The following TRPV2 variants were observed in gnomAD, a reference collection of about 807,000 sequenced individuals.
The protein encoded by TRPV2 is OTRPC2.
A neutral mutation model predicts 91.0 loss-of-function variants in TRPV2; 58 were observed. The ratio of observed to expected loss-of-function variants is 0.64; its 90% confidence interval spans 0.52 to 0.79. The LOEUF is 0.79. Ranked by LOEUF, TRPV2 falls within the 30% of genes least tolerant of loss-of-function variation. TRPV2 has a pLI of 0.00. For missense variants in TRPV2, 807 were observed against 969.6 expected (o/e 0.83, Z 2.23); for synonymous variants, 417 against 414.8 (o/e 1.01, Z -0.06).
intron 5 of TRPV2, among the ~76,000 whole-genome samples, chr17:16,424,163 T>G (rs959497971): frequency 6.7e-5 from 4 of 59,840 alleles, no homozygotes; most frequent in African/African-American, 2.2e-4. Context: ...CTAATTTTGT[T>G]TTTTTTTTTT....
At chr17:16,419,022 C>T (rs1172694355) in intron 2 of TRPV2, among the ~76,000 whole-genome samples, 1 of 150,748 alleles carries the variant, frequency 6.6e-6, no homozygotes, top group East Asian at 1.9e-4. Flanking sequence ...CAGTGTGACT[C>T]TGTCTCCAAA....
intron 2 of TRPV2, chr17:16,419,187 G>A (rs2093344940): frequency 2.6e-6 from 1 of 383,086 alleles, no homozygotes; most frequent in African/African-American, 2.1e-5. Flanking sequence ...GCTGGTGGTG[G>A]TACCAGAAGC....
Position 16,426,163 on chromosome 17 carries a change from A to C in TRPV2, c.989A>C (p.Glu330Ala). The change falls in exon 6 of 15, where the codon GAG becomes GCG. Residue 330 changes from glutamate to alanine, a missense_variant. Physicochemically the swap from Glu to Ala is moderately radical, Grantham distance 107. Transcript: ENST00000338560. This position sits in a 1 kb window ranked among gnomAD's most constrained non-coding sequence, Gnocchi z 6.0. ...AGCCACCTTTCCCGAAAGTTCACCG[A>C]GTGGTGCTATGGGCCTGTCCGGGTG... is the stretch of plus-strand genomic sequence containing the variant. ...GLSHLSRKFT[E>A]WCYGPVRVSL... 1 of 1,614,010 alleles carries C rather than the reference A, an allele frequency of 6.2e-7. No individual in the cohort carries two copies. Among genetic ancestry groups the C allele is most frequent in the Non-Finnish European group, 8.5e-7 (1 of 1,179,994 alleles).
At chr17:16,431,283 ATATACATATTTTTT>A (rs2093410193) in intron 10 of TRPV2, among the ~76,000 whole-genome samples, 5 of 51,284 alleles carry the variant, frequency 9.7e-5, no homozygotes, top group Admixed American at 2.4e-4. Context: ...ATATATATAT[ATATACATATTTTTT>A]TTTTTTTTTT....
chr17:16,425,239 G>A (rs977359304), intron 5 of TRPV2, among the ~76,000 whole-genome samples: 1 of 151,934 alleles, frequency 6.6e-6, no homozygotes, highest in Non-Finnish European at 1.5e-5. Flanking sequence ...GGTCAGGCTG[G>A]TCTCAAACTC....
chr17:16,427,748 T>C (rs2093390539), intron 8 of TRPV2, among the ~76,000 whole-genome samples: 1 of 152,174 alleles, frequency 6.6e-6, no homozygotes, highest in African/African-American at 2.4e-5. Context: ...TTGGGGTTCC[T>C]TGGGGTAGCA....
Position 16,434,623 on chromosome 17 carries a change from C to T in TRPV2, c.2115-267C>T, listed in dbSNP as rs1182439295. On this transcript the variant is annotated intron_variant, in intron 13 of 14. Transcript: ENST00000338560. The stretch of plus-strand genomic sequence containing the variant: ...GATACACCTGATCTGAATTCCTCTT[C>T]TCTGGTTGTTCTGGGCAACCCAGGC... 3.0e-5 allele frequency: 13 copies of T among 438,894 alleles called. No individual in the cohort carries two copies. The South Asian group carries it at 4.2e-4, about 14-fold the overall frequency. The allele number at this position is 438,894 out of a possible 1,614,324, so 27.2% of individuals were successfully genotyped here.
Position 16,426,221 on chromosome 17 carries a change from TGAG to T in TRPV2, c.1051_1053del (p.Glu351del). On this transcript the variant is annotated inframe_deletion, in exon 6 of 15. Transcript: ENST00000338560. The surrounding 1 kb of genome is among the most constrained non-coding windows in gnomAD (Gnocchi z 6.0). ...ATGACCTGGCTTCTGTGGACAGCTG[TGAG>T]GAGAACTCAGTGCTGGAGATCATTG... is the stretch of plus-strand genomic sequence containing the variant. 6.2e-7 allele frequency: 1 copy of T among 1,614,112 alleles called. No individual in the cohort carries two copies. The highest frequency in any genetic ancestry group is 1.7e-5 in the Admixed American group (1 of 60,020).
At chr17:16,433,217 G>A (rs897441324) in intron 12 of TRPV2, 6 of 215,646 alleles carry the variant, frequency 2.8e-5, no homozygotes, top group African/African-American at 1.2e-4. Context: ...CCTCTGGGCA[G>A]GCACATGTGT....
intron 10 of TRPV2, among the ~76,000 whole-genome samples, chr17:16,431,283 AT>A (rs2093410028): frequency 3.9e-5 from 2 of 51,282 alleles, no homozygotes; most frequent in Non-Finnish European, 8.0e-5. Context: ...ATATATATAT[AT>A]ATACATATTT....
At chr17:16,428,272 C>A in intron 8 of TRPV2, 45 bp from the exon 9 acceptor site, 1 of 1,589,764 alleles carries the variant, frequency 6.3e-7, no homozygotes, top group Non-Finnish European at 8.6e-7. Context: ...AGGGGGCATG[C>A]GGGAGAGCAG....
rs779890704 is a variant in TRPV2 at position 16,426,687 on chromosome 17, T to G, written c.1096-35T>G. 2 of 1,598,064 alleles carry G rather than the reference T, an allele frequency of 1.3e-6. No individual in the cohort carries two copies. The highest frequency in any genetic ancestry group is 2.3e-5 in the South Asian group (2 of 88,064). ...GAGTGGGCAGCCTATTTGCACTTGT[T>G]GAGTGTACCCATGGCTCTCCCCTCC... is the stretch of plus-strand genomic sequence containing the variant. On this transcript the variant is annotated intron_variant, in intron 6 of 14. Transcript: ENST00000338560. This position sits in a 1 kb window ranked among gnomAD's most constrained non-coding sequence, Gnocchi z 6.0.
intron 2 of TRPV2, among the ~76,000 whole-genome samples, chr17:16,419,718 A>G (rs971654927): frequency 6.6e-6 from 1 of 151,820 alleles, no homozygotes; most frequent in Non-Finnish European, 1.5e-5. Context: ...GTCTGCGGGG[A>G]CCTCCCACAG....
rs943803767 is a variant in TRPV2, at chr17:16,423,635, A to G, written c.792A>G (p.Ala264=). The change falls in exon 5 of 15, where the codon GCA becomes GCG. Residue 264 remains alanine (A), a synonymous_variant. Transcript: ENST00000338560. ...MISDNSAENI[A]LVTSMYDGLL... is the part of the protein sequence containing the mutation. ...CGGACAACTCAGCTGAGAACATTGCACTGGTGACCAGCATGTATGATGGGC... is the reference window on the plus strand; with the variant it reads ...CGGACAACTCAGCTGAGAACATTGCGCTGGTGACCAGCATGTATGATGGGC... 1.1e-5 allele frequency: 18 copies of G among 1,614,004 alleles called. No individual in the cohort carries two copies. The highest frequency in any genetic ancestry group is 5.3e-5 in the African/African-American group (4 of 74,896).
At chr17:16,419,134 A>C (rs1235099519) in intron 2 of TRPV2, among the ~76,000 whole-genome samples, 1 of 152,028 alleles carries the variant, frequency 6.6e-6, no homozygotes, top group Non-Finnish European at 1.5e-5. Flanking sequence ...GAGGGTCTAC[A>C]AATCATCAAA....
At chr17:16,427,126 G>A (rs138979863) in intron 7 of TRPV2, among the ~76,000 whole-genome samples, 7 of 152,292 alleles carry the variant, frequency 4.6e-5, no homozygotes, top group South Asian at 2.1e-4. Flanking sequence ...CCCTTGAGAT[G>A]GTGAATTATA....
chr17:16,436,682 T>G, intron 14 of TRPV2, 107 bp from the exon 15 acceptor site: 1 of 772,864 alleles, frequency 1.3e-6, no homozygotes, highest in African/African-American at 1.7e-5. Flanking sequence ...GCTGAGGCTG[T>G]CCCCACGGCA....
chr17:16,428,708 G>A, intron 9 of TRPV2, 109 bp from the exon 10 acceptor site: 4 of 1,292,774 alleles, frequency 3.1e-6, no homozygotes, highest in Non-Finnish European at 4.4e-6. Flanking sequence ...GCCCACAGAG[G>A]TTAAATGTCT....
chr17:16,436,092 TC>T (rs1406614103), intron 14 of TRPV2, among the ~76,000 whole-genome samples: 1 of 151,814 alleles, frequency 6.6e-6, no homozygotes, highest in Non-Finnish European at 1.5e-5. Context: ...CTCAGCCTAT[TC>T]CCCCCGCTAT....
Sources: gnomAD v4.1 joint callset for allele counts (sites outside exome capture counted in the v4.1 genomes callset) on GRCh38, gnomAD v4.1.1 for gene constraint, Gnocchi (gnomAD v3.1) non-coding constraint, MANE v1.5 for transcripts, NCBI Gene and HGNC (gene_info 2026-07-23, HGNC 2026-07-21) for gene names.